KCNJ6: variants seen among roughly 807,000 people sequenced by gnomAD.
The protein encoded by KCNJ6 is G protein-activated inward rectifier potassium channel 2.
A neutral mutation model predicts 34.2 loss-of-function variants in KCNJ6; 9 were observed. That is an observed-to-expected ratio of 0.26 (90% CI 0.16 to 0.46). The LOEUF is 0.46. KCNJ6 is among the 20% of genes least tolerant of loss of function. The pLI is 1.00. For synonymous variants in KCNJ6, 196 were observed against 207.1 expected, an observed-to-expected ratio of 0.95 and a Z score of 0.46; for missense variants, 236 against 531.3, an observed-to-expected ratio of 0.44 and a Z score of 5.46.
intron 2 of KCNJ6, among the ~76,000 whole-genome samples, chr21:37,827,210 G>A (rs2055403418): frequency 1.3e-5 from 2 of 152,168 alleles, no homozygotes; most frequent in African/African-American, 4.8e-5. Flanking sequence ...AATTCTGTGA[G>A]CTGGACTGTG....
intron 3 of KCNJ6, among the ~76,000 whole-genome samples, chr21:37,686,831 C>T (rs533533973): frequency 6.6e-6 from 1 of 152,014 alleles, no homozygotes; most frequent in South Asian, 2.1e-4. Context: ...TTGGTCATGG[C>T]CTCAAATTCA....
intron 2 of KCNJ6, among the ~76,000 whole-genome samples, chr21:37,723,456 A>G (rs60331202): frequency 0.048 from 7,338 of 152,348 alleles, 485 homozygotes; most frequent in East Asian, 0.34. Context: ...TCTACCAAGA[A>G]GATACATGCA....
At chr21:37,647,424 T>C (rs1322209766) in intron 3 of KCNJ6, among the ~76,000 whole-genome samples, 1 of 152,198 alleles carries the variant, frequency 6.6e-6, no homozygotes, top group Admixed American at 6.5e-5. Flanking sequence ...TTTTATTTTC[T>C]GTATTCTGAT....
In KCNJ6 at chr21:37,615,468, G is replaced by A. The variant is rs2054263454; in HGVS notation, c.*9691C>T. 6.6e-6 allele frequency: 1 copy of A among 152,036 alleles called. No individual in the cohort carries two copies. Among genetic ancestry groups the A allele is most frequent in the African/African-American group, 2.4e-5 (1 of 41,354 alleles). 9.4% of individuals were successfully genotyped at this position (152,036 alleles called of 1,614,324 possible). ...GTACGGTGGCTGCAGAATTGTTACTGGTGAGCAGAGTTTATTCTTGCCTGG... is the reference window on the plus strand; with the variant it reads ...GTACGGTGGCTGCAGAATTGTTACTAGTGAGCAGAGTTTATTCTTGCCTGG... On this transcript the variant is annotated 3_prime_UTR_variant, in exon 4 of 4. Transcript: ENST00000609713.
chr21:37,751,081 A>G (rs2054992890), intron 2 of KCNJ6, among the ~76,000 whole-genome samples: 1 of 152,202 alleles, frequency 6.6e-6, no homozygotes, highest in Non-Finnish European at 1.5e-5. Context: ...ATAAACCACT[A>G]AACAATGAAG....
chr21:37,655,213 GTGTGTGTGTGTGAGAGAGAGA>G (rs2054454081), intron 3 of KCNJ6, among the ~76,000 whole-genome samples: 1 of 54,488 alleles, frequency 1.8e-5, no homozygotes, highest in African/African-American at 5.3e-5. Context: ...GTGTGTGTGT[GTGTGTGTGTGTGAGAGAGAGA>G]GAGAGAGAGA....
At chr21:37,715,366 G>A (rs1013570152) in intron 2 of KCNJ6, among the ~76,000 whole-genome samples, 3 of 152,184 alleles carry the variant, frequency 2.0e-5, no homozygotes, top group Admixed American at 6.5e-5. Context: ...CCACCAGGAC[G>A]GAGCTTATTG....
At position 37,608,350 on chromosome 21, in the gene KCNJ6, G is replaced by C. The variant is rs2054231457; in HGVS notation, c.*16809C>G. 1 of 152,172 alleles carries C rather than the reference G, an allele frequency of 6.6e-6. No individual in the cohort carries two copies. The highest frequency in any genetic ancestry group is 2.1e-4 in the South Asian group (1 of 4,828). The allele number at this position is 152,172 out of a possible 1,614,324, so 9.4% of individuals were successfully genotyped here. Reference sequence around the variant, plus strand: ...TCTCTCTTTTTAAAATAGAGATGGGGTCTTGCTGTGTTGCACAGGCTAATC... The same window carrying C: ...TCTCTCTTTTTAAAATAGAGATGGGCTCTTGCTGTGTTGCACAGGCTAATC... On this transcript the variant is annotated 3_prime_UTR_variant, in exon 4 of 4. Transcript: ENST00000609713.
chr21:37,697,510 A>G (rs943050537), intron 3 of KCNJ6, among the ~76,000 whole-genome samples: 1 of 152,196 alleles, frequency 6.6e-6, no homozygotes, highest in Non-Finnish European at 1.5e-5. Flanking sequence ...CATATGTGCT[A>G]CTGGTACTCA....
At chr21:37,895,749 C>T (rs1167650410) in intron 1 of KCNJ6, among the ~76,000 whole-genome samples, 1 of 152,162 alleles carries the variant, frequency 6.6e-6, no homozygotes, top group African/African-American at 2.4e-5. Flanking sequence ...GGCTTCAGAG[C>T]CATCTCCCTC....
At chr21:37,850,404 T>TGCA (rs1290846734) in intron 1 of KCNJ6, among the ~76,000 whole-genome samples, 1 of 152,082 alleles carries the variant, frequency 6.6e-6, no homozygotes, top group Non-Finnish European at 1.5e-5. Flanking sequence ...CCACCTGAGC[T>TGCA]GCACCTCCTG....
chr21:37,900,571 G>A (rs904889005), intron 1 of KCNJ6, among the ~76,000 whole-genome samples: 2 of 152,202 alleles, frequency 1.3e-5, no homozygotes, highest in Non-Finnish European at 2.9e-5. Context: ...AATCGGGAAG[G>A]AGGAGGTGGC....
chr21:37,725,006 A>G (rs947086014), intron 2 of KCNJ6, among the ~76,000 whole-genome samples: 2 of 152,226 alleles, frequency 1.3e-5, no homozygotes, highest in African/African-American at 4.8e-5. Flanking sequence ...CTATTTTAAA[A>G]GAATATTTCT....
chr21:37,883,805 T>A (rs1465918070), intron 1 of KCNJ6, among the ~76,000 whole-genome samples: 1 of 152,230 alleles, frequency 6.6e-6, no homozygotes, highest in Non-Finnish European at 1.5e-5. Context: ...CTCTTAGTGA[T>A]GCTTGACAGT....
At chr21:37,822,732 A>G (rs2055379562) in intron 2 of KCNJ6, among the ~76,000 whole-genome samples, 1 of 152,174 alleles carries the variant, frequency 6.6e-6, no homozygotes, top group Non-Finnish European at 1.5e-5. Context: ...AAAACCCACT[A>G]TTGGTCTCAG....
chr21:37,876,059 G>A (rs1004297370), intron 1 of KCNJ6, among the ~76,000 whole-genome samples: 3 of 152,170 alleles, frequency 2.0e-5, no homozygotes, highest in African/African-American at 7.2e-5. Flanking sequence ...AAACAAAAAT[G>A]CAGGGCCCTT....
chr21:37,894,903 C>G (rs1393622459), intron 1 of KCNJ6, among the ~76,000 whole-genome samples: 4 of 152,024 alleles, frequency 2.6e-5, no homozygotes, highest in African/African-American at 9.7e-5. Context: ...GAGATGTCCA[C>G]TTTATTTTAA....
intron 1 of KCNJ6, among the ~76,000 whole-genome samples, chr21:37,893,514 C>G (rs1319610588): frequency 1.3e-5 from 2 of 152,172 alleles, no homozygotes; most frequent in African/African-American, 4.8e-5. Flanking sequence ...CCTGTTCCCC[C>G]TATTTTCTAG....
intron 3 of KCNJ6, among the ~76,000 whole-genome samples, chr21:37,657,885 G>A (rs1400734880): frequency 6.6e-6 from 1 of 152,250 alleles, no homozygotes; most frequent in Non-Finnish European, 1.5e-5. Flanking sequence ...TTTCACGACG[G>A]TGTCTTTCCA....
Sources: allele counts gnomAD v4.1 joint callset (sites outside exome capture counted in the v4.1 genomes callset), GRCh38; gene constraint gnomAD v4.1.1; transcripts MANE v1.5; gene names NCBI Gene and HGNC (gene_info 2026-07-23, HGNC 2026-07-21).